The following TBL1X variants were observed in gnomAD, a reference collection of about 807,000 sequenced individuals.
TBL1X encodes F-box-like/WD repeat-containing protein TBL1X.
Under a neutral mutation model 50.7 loss-of-function variants are expected in TBL1X, and 10 were observed. That is an observed-to-expected ratio of 0.20 (90% CI 0.12 to 0.33). The LOEUF (loss-of-function observed/expected upper bound fraction) is 0.33, where lower values mean the gene tolerates loss of function less well. Among genes scored for constraint, TBL1X ranks in the 10% least tolerant of loss-of-function variants. The pLI, the probability that TBL1X is intolerant of heterozygous loss-of-function variation, is 1.00. For missense variants in TBL1X, 340 were observed against 504.4 expected (o/e 0.67, Z 3.12); for synonymous variants, 190 against 214.7 (o/e 0.88, Z 1.01).
At chrX:9,533,699 GA>G (rs1447721167) in intron 2 of TBL1X, among the ~76,000 whole-genome samples, 1 of 111,070 alleles carries the variant, frequency 9.0e-6, no homozygotes, top group African/African-American at 3.3e-5. Flanking sequence ...GCAGTGTTTT[GA>G]AAATGTGGAG....
intron 5 of TBL1X, 50 bp downstream of exon 5, chrX:9,654,372 C>T (rs893986168): frequency 1.1e-5 from 13 of 1,134,534 alleles, no homozygotes; most frequent in Non-Finnish European, 1.3e-5. Flanking sequence ...CAGCATCTTA[C>T]AAGCAGAAGG....
intron 5 of TBL1X, among the ~76,000 whole-genome samples, chrX:9,666,456 A>G (rs187116441): frequency 3.6e-5 from 4 of 112,064 alleles, no homozygotes; most frequent in East Asian, 5.5e-4. Context: ...TCAGAAAAAT[A>G]GAAACATTAA....
intron 1 of TBL1X, among the ~76,000 whole-genome samples, chrX:9,472,730 G>A (rs1031327267): frequency 7.3e-5 from 8 of 110,144 alleles, no homozygotes; most frequent in Non-Finnish European, 1.5e-4. Context: ...TAGCTAACAC[G>A]GTGAAACCCC....
intron 2 of TBL1X, among the ~76,000 whole-genome samples, chrX:9,529,478 C>T (rs750053723): frequency 1.6e-4 from 18 of 111,784 alleles, no homozygotes; most frequent in African/African-American, 5.8e-4. Flanking sequence ...GGAATGCATT[C>T]AGACCCCAGA....
At chrX:9,689,466 A>T (rs746731687) in intron 7 of TBL1X, among the ~76,000 whole-genome samples, 1 of 112,138 alleles carries the variant, frequency 8.9e-6, no homozygotes, top group African/African-American at 3.2e-5. Context: ...CTCAGGTAAA[A>T]GGAAAAGACC....
chrX:9,463,707 A>G (rs887761904), upstream of TBL1X, among the ~76,000 whole-genome samples: 1 of 111,707 alleles, frequency 9.0e-6, no homozygotes, highest in Non-Finnish European at 1.9e-5. Flanking sequence ...TCTGGCCAAT[A>G]TGGTGAAACC....
chrX:9,496,671 A>G (rs1399504934), intron 1 of TBL1X, among the ~76,000 whole-genome samples: 2 of 111,995 alleles, frequency 1.8e-5, no homozygotes, highest in Non-Finnish European at 3.8e-5. Flanking sequence ...GAAATCCACT[A>G]TCTCTCATCC....
At position 9,502,707 on chromosome X, in the gene TBL1X, C is replaced by T. The variant is rs1349456088; in HGVS notation, c.-131+858C>T. Among the ~76,000 whole-genome samples the T allele has an allele frequency of 3.6e-5, 4 of 112,644 alleles. No individual in the cohort carries two copies. The South Asian group carries it at 1.5e-3, about 41-fold the overall frequency. On this transcript the variant is annotated intron_variant, in intron 2 of 17. Transcript: ENST00000645353. The stretch of plus-strand genomic sequence containing the variant: ...GGGACCATTTTTATTTCTTTCATCT[C>T]TGCTGTTCAAGACCTTTCTAAAGCT...
chrX:9,607,046 A>G (rs1432465335), intron 2 of TBL1X, among the ~76,000 whole-genome samples: 1 of 112,656 alleles, frequency 8.9e-6, no homozygotes, highest in Non-Finnish European at 1.9e-5. Flanking sequence ...CCTTTTACTC[A>G]GGATTTCAGC....
chrX:9,689,019 CGT>C (rs1491069548), intron 7 of TBL1X, among the ~76,000 whole-genome samples: 2 of 99,788 alleles, frequency 2.0e-5, no homozygotes, highest in African/African-American at 7.0e-5. Flanking sequence ...TGTATGTGTG[CGT>C]GTGTGCGTGT....
In TBL1X at chrX:9,615,230, G is replaced by C. The variant is rs73476860; in HGVS notation, c.-130-25043G>C. Among the ~76,000 whole-genome samples the C allele has an allele frequency of 7.3e-3, 819 of 112,089 alleles. 6 individuals are homozygous for C. The highest frequency in any genetic ancestry group is 0.025 in the African/African-American group (764 of 30,811). ...GAAGTTGAGTTAGATAAATCAACAGGTAGCTGATGGCCTAGAATATAACTT... is the reference window on the plus strand; with the variant it reads ...GAAGTTGAGTTAGATAAATCAACAGCTAGCTGATGGCCTAGAATATAACTT... On this transcript the variant is annotated intron_variant, in intron 2 of 17. Coordinates refer to ENST00000645353, the MANE Select transcript of TBL1X (RefSeq NM_005647.4).
intron 2 of TBL1X, among the ~76,000 whole-genome samples, chrX:9,574,459 GAAAAA>G (rs376384853): frequency 1.7e-4 from 5 of 30,121 alleles, no homozygotes; most frequent in East Asian, 2.8e-3. Context: ...TGTCTCAAAT[GAAAAA>G]AAAAAAAAAA....
intron 2 of TBL1X, among the ~76,000 whole-genome samples, chrX:9,609,514 T>C (rs1327146197): frequency 9.0e-6 from 1 of 110,815 alleles, no homozygotes; most frequent in Non-Finnish European, 1.9e-5. Context: ...GCAACATCGA[T>C]TGAAAATGTT....
In TBL1X at chrX:9,705,051, CAT is replaced by C; in HGVS notation, c.1174_1175del (p.Met392ValfsTer10). 1.7e-6 allele frequency: 2 copies of C among 1,211,994 alleles called. No individual in the cohort carries two copies. Among genetic ancestry groups the C allele is most frequent in the Non-Finnish European group, 2.2e-6 (2 of 895,630 alleles). On this transcript the variant is annotated frameshift_variant, in exon 13 of 18. Transcript: ENST00000645353. LOFTEE classifies it high-confidence loss of function. ...CGACCTTTGCCTCCTGTAGCACAGACATGTGTATCCATGTGTGCAGGCTCGGC... is the reference window on the plus strand; with the variant it reads ...CGACCTTTGCCTCCTGTAGCACAGACGTGTATCCATGTGTGCAGGCTCGGC... ...NTTFASCSTD[M>X]CIHVCRLGCD...
chrX:9,467,878 A>G (rs1421873878), intron 1 of TBL1X, among the ~76,000 whole-genome samples: 2 of 111,969 alleles, frequency 1.8e-5, no homozygotes, highest in Non-Finnish European at 3.8e-5. Context: ...CTGAGGAGAG[A>G]CGTTTCAGAT....
At chrX:9,707,653 C>T (rs936450186) in intron 13 of TBL1X, among the ~76,000 whole-genome samples, 7 of 112,696 alleles carry the variant, frequency 6.2e-5, no homozygotes, top group Admixed American at 1.9e-4. Context: ...TGGTGACCAG[C>T]TCTACATTCC....
At chrX:9,549,089 C>T (rs889149684) in intron 2 of TBL1X, among the ~76,000 whole-genome samples, 3 of 112,976 alleles carry the variant, frequency 2.7e-5, no homozygotes, top group Non-Finnish European at 5.6e-5. Context: ...AAAGAAAGTG[C>T]ATTGCACTAA....
chrX:9,648,094 A>C (rs2082814435), intron 3 of TBL1X, among the ~76,000 whole-genome samples: 1 of 110,718 alleles, frequency 9.0e-6, no homozygotes, highest in Non-Finnish European at 1.9e-5. Flanking sequence ...CCTAGAAGTC[A>C]GGGTCTCTGG....
Position 9,684,205 on chromosome X carries a change from C to G in TBL1X, c.357+17C>G. The stretch of plus-strand genomic sequence containing the variant: ...ATCAACGAGGTACGTAGCTGCTGGG[C>G]CCGGCCCCCAAACAGCAGAGCCCTG... On this transcript the variant is annotated intron_variant, in intron 6 of 17. Transcript: ENST00000645353. 6 of 1,210,765 alleles carry G rather than the reference C, an allele frequency of 5.0e-6. No individual in the cohort carries two copies. The highest frequency in any genetic ancestry group is 6.7e-6 in the Non-Finnish European group (6 of 894,792).
Sources: allele counts gnomAD v4.1 joint callset (sites outside exome capture counted in the v4.1 genomes callset), GRCh38; gene constraint gnomAD v4.1.1; transcripts MANE v1.5; gene names NCBI Gene and HGNC (gene_info 2026-07-23, HGNC 2026-07-21).